Variants in RDH13 observed in about 807,000 individuals in gnomAD.
RDH13 encodes the protein retinol dehydrogenase 13 (all-trans and 9-cis).
A neutral mutation model predicts 28.3 loss-of-function variants in RDH13; 35 were observed. The observed-to-expected ratio is 1.24, with a 90% CI of 0.95 to 1.64. The LOEUF (loss-of-function observed/expected upper bound fraction) is 1.64. RDH13 is among the 40% of genes most tolerant of loss of function. The pLI is 0.00. For synonymous variants in RDH13, 229 were observed against 198.5 expected, an observed-to-expected ratio of 1.15 and a Z score of -1.29; for missense variants, 514 against 446.3, an observed-to-expected ratio of 1.15 and a Z score of -1.37.
rs115818785 is a variant in RDH13, at chr19:55,047,198, G to A, written c.760+189C>T. The stretch of plus-strand genomic sequence containing the variant: ...GCCAGCAGGGCTCTGCCTGCTTCCC[G>A]GGGCTGTTAGAGGCTGGCAGGCCAG... On this transcript the variant is annotated intron_variant, in intron 6 of 6. Coordinates refer to ENST00000415061, the MANE Select transcript of RDH13 (RefSeq NM_001145971.2). The A allele has an allele frequency of 1.8e-3, 2,485 of 1,404,390 alleles. 30 individuals are homozygous for A. The African/African-American group carries it at 0.026, about 15-fold the overall frequency. 87.0% of individuals were successfully genotyped at this position (1,404,390 alleles called of 1,614,324 possible).
chr19:55,047,822 C>T (rs1332249973), intron 5 of RDH13, among the ~76,000 whole-genome samples: 4 of 152,158 alleles, frequency 2.6e-5, no homozygotes, highest in African/African-American at 4.8e-5. Context: ...GTCCACAGAC[C>T]GTCTTTCAGA....
At chr19:55,048,077 C>T (rs1043117967) in intron 5 of RDH13, 31 of 1,492,798 alleles carry the variant, frequency 2.1e-5, no homozygotes, top group Non-Finnish European at 2.7e-5. Flanking sequence ...GCTGCCTGCC[C>T]AACAGCAGCA....
At chr19:55,066,241 C>G (rs575787854), upstream of RDH13, among the ~76,000 whole-genome samples, 90 of 152,298 alleles carry the variant, frequency 5.9e-4, no homozygotes, top group Non-Finnish European at 1.1e-3. Context: ...TTACCATTTT[C>G]CTGGTTGTTA....
intron 3 of RDH13, among the ~76,000 whole-genome samples, chr19:55,051,659 A>C (rs1021911518): frequency 2.0e-5 from 3 of 148,360 alleles, no homozygotes; most frequent in Non-Finnish European, 4.5e-5. Context: ...TGAATTCTTC[A>C]CCTCGTGATC....
intron 3 of RDH13, chr19:55,053,946 T>A (rs1602752510): frequency 1.3e-5 from 2 of 152,274 alleles, no homozygotes; most frequent in Non-Finnish European, 2.9e-5. Context: ...TCTGAGACTC[T>A]GAGGCATTGC....
Position 55,048,548 on chromosome 19 carries a change from T to C in RDH13, c.446-7A>G. The C allele has an allele frequency of 6.2e-7, 1 of 1,613,824 alleles. No individual in the cohort carries two copies. The highest frequency in any genetic ancestry group is 1.7e-5 in the Admixed American group (1 of 60,006). ...TTTGTCAAGAGAAAGTGACCTGGAT[T>C]AAGGATGATGAAAAGGTCACTTTTG... On this transcript the variant is annotated splice_polypyrimidine_tract_variant and splice_region_variant and intron_variant, in intron 4 of 6. Coordinates refer to ENST00000415061, the MANE Select transcript of RDH13 (RefSeq NM_001145971.2).
chr19:55,066,436 C>A (rs544388999), upstream of RDH13, among the ~76,000 whole-genome samples: 21 of 89,786 alleles, frequency 2.3e-4, no homozygotes, highest in African/African-American at 9.1e-4. Flanking sequence ...CCCTCTCTGT[C>A]TTCTCTCCCT....
downstream of RDH13, among the ~76,000 whole-genome samples, chr19:55,039,931 A>C (rs2074978476): frequency 6.6e-6 from 1 of 152,222 alleles, no homozygotes; most frequent in Non-Finnish European, 1.5e-5. Context: ...AATATTCCGG[A>C]CTTGACAGAT....
chr19:55,066,451 C>CT (rs1290947206), upstream of RDH13, among the ~76,000 whole-genome samples: 4 of 115,340 alleles, frequency 3.5e-5, no homozygotes, highest in African/African-American at 1.2e-4. Context: ...CTCCCTCTCT[C>CT]TCCCTCTCTC....
chr19:55,051,135 A>C (rs1043972330), intron 3 of RDH13: 1 of 152,228 alleles, frequency 6.6e-6, no homozygotes, highest in Admixed American at 6.5e-5. Context: ...AGCACAGCCG[A>C]GGCCCCGTCC....
At chr19:55,047,912 G>A (rs764706506) in intron 5 of RDH13, 16 of 557,386 alleles carry the variant, frequency 2.9e-5, no homozygotes, top group African/African-American at 5.7e-5. Flanking sequence ...CATCCCGTGC[G>A]CTGTAGGACA....
upstream of RDH13, among the ~76,000 whole-genome samples, chr19:55,066,622 CTCTT>C (rs2075966764): frequency 2.0e-5 from 3 of 148,484 alleles, no homozygotes; most frequent in South Asian, 2.2e-4. Context: ...CTCTTCTTGT[CTCTT>C]TCTCTCCTCT....
At chr19:55,060,393 G>C (rs1030346937) in intron 1 of RDH13, among the ~76,000 whole-genome samples, 1 of 152,186 alleles carries the variant, frequency 6.6e-6, no homozygotes, top group African/African-American at 2.4e-5. Flanking sequence ...TCCAGGCATA[G>C]TACCTTCCCT....
chr19:55,059,296 G>C (rs372582333), intron 1 of RDH13, 21 bp from the exon 2 acceptor site: 2 of 1,517,920 alleles, frequency 1.3e-6, no homozygotes, highest in African/African-American at 1.4e-5. Context: ...GAAGCGGCAC[G>C]GTCAGTCCTG....
At chr19:55,039,895 G>A (rs904743853), downstream of RDH13, among the ~76,000 whole-genome samples, 1 of 152,154 alleles carries the variant, frequency 6.6e-6, no homozygotes, top group Non-Finnish European at 1.5e-5. Context: ...CAACGTGATG[G>A]ACCTTGAAGA....
intron 6 of RDH13, 69 bp downstream of exon 6, chr19:55,047,311 AGGGTCCT>A: frequency 3.9e-6 from 6 of 1,553,050 alleles, no homozygotes; most frequent in Non-Finnish European, 5.2e-6. Context: ...TCTCTGAGGG[AGGGTCCT>A]GGGCCCTGGG....
intron 5 of RDH13, chr19:55,048,076 C>T: frequency 1.3e-6 from 2 of 1,492,044 alleles, no homozygotes; most frequent in South Asian, 1.3e-5. Context: ...AGCTGCCTGC[C>T]CAACAGCAGC....
At chr19:55,047,056 C>G in intron 6 of RDH13, 1 of 1,077,228 alleles carries the variant, frequency 9.3e-7, no homozygotes, top group Non-Finnish European at 1.2e-6. Flanking sequence ...AGAGGGGTAA[C>G]AGCTCTTCCC....
intron 6 of RDH13, among the ~76,000 whole-genome samples, chr19:55,045,643 T>TGGTGC (rs1167907687): frequency 6.6e-6 from 1 of 152,164 alleles, no homozygotes; most frequent in Non-Finnish European, 1.5e-5. Context: ...GGCACCAGCC[T>TGGTGC]CAGGTTAAGG....
Sources: allele counts gnomAD v4.1 joint callset (sites outside exome capture counted in the v4.1 genomes callset), GRCh38; gene constraint gnomAD v4.1.1; transcripts MANE v1.5; gene names NCBI Gene and HGNC (gene_info 2026-07-23, HGNC 2026-07-21).